ACBD5: variants seen among roughly 807,000 people sequenced by gnomAD.
ACBD5 encodes the protein acyl-CoA binding domain containing 5, also known as acyl-CoA-binding domain-containing protein 5.
In ACBD5, 40 loss-of-function variants were observed where a neutral mutation model predicts 71.8. The ratio of observed to expected loss-of-function variants is 0.56; its 90% CI spans 0.43 to 0.72. The LOEUF (loss-of-function observed/expected upper bound fraction) is 0.72, where lower values mean the gene tolerates loss of function less well. Ranked by LOEUF, ACBD5 falls within the 30% of genes least tolerant of loss-of-function variation. The probability of loss-of-function intolerance (pLI) is 0.00; values close to 1 mark genes in which losing one functional copy is unlikely to be tolerated. For synonymous variants in ACBD5, 229 were observed against 218.6 expected (o/e 1.05, Z -0.42); for missense variants, 559 against 644.5 (o/e 0.87, Z 1.44).
chr10:27,240,320 A>ATTC lies in ACBD5; in HGVS notation c.177_179dup (p.Lys59dup), dbSNP rs2065322095. 4 of 1,613,946 alleles carry ATTC rather than the reference A, an allele frequency of 2.5e-6. No individual in the cohort carries two copies. The highest frequency in any genetic ancestry group is 3.4e-6 in the Non-Finnish European group (4 of 1,179,978). ...ACAGCCGGGGCCCAGCGCACGTACC[A>ATTC]TTCTTCGGCAAACTCTGGATCACCT... On this transcript the variant is annotated inframe_insertion and splice_region_variant, in exon 2 of 13. Transcript: ENST00000396271. The surrounding 1 kb of genome is among the most constrained non-coding windows in gnomAD (Gnocchi z 4.1).
intron 4 of ACBD5, among the ~76,000 whole-genome samples, chr10:27,228,879 C>T (rs1458740478): frequency 1.5e-5 from 2 of 131,984 alleles, no homozygotes; most frequent in Admixed American, 8.6e-5. Flanking sequence ...AGTGCAGCGG[C>T]GCAATCTCGG....
chr10:27,234,712 AC>A (rs2064402214), intron 3 of ACBD5, among the ~76,000 whole-genome samples: 1 of 152,206 alleles, frequency 6.6e-6, no homozygotes. Context: ...TGGGCGGACC[AC>A]CTGAACCCAG....
At chr10:27,218,774 C>T (rs1020349543) in intron 6 of ACBD5, among the ~76,000 whole-genome samples, 2 of 151,816 alleles carry the variant, frequency 1.3e-5, no homozygotes, top group East Asian at 2.0e-4. Context: ...TTAGTAGAGA[C>T]GGGGTTTCAC....
chr10:27,223,306 G>C, intron 5 of ACBD5, 32 bp downstream of exon 5: 1 of 1,476,292 alleles, frequency 6.8e-7, no homozygotes. Flanking sequence ...TATATCAGTT[G>C]ATGAATTTAA....
At chr10:27,194,290 A>C (rs1313386996), downstream of ACBD5, among the ~76,000 whole-genome samples, 1 of 149,174 alleles carries the variant, frequency 6.7e-6, no homozygotes, top group Non-Finnish European at 1.5e-5. Context: ...ATCATTTTCC[A>C]CATAAGACCA....
intron 9 of ACBD5, among the ~76,000 whole-genome samples, chr10:27,210,610 T>C (rs1245725727): frequency 6.6e-6 from 1 of 151,994 alleles, no homozygotes; most frequent in African/African-American, 2.4e-5. Flanking sequence ...ATACAAAAAT[T>C]AGCCAGGCAT....
chr10:27,207,640 G>A (rs376567525), intron 10 of ACBD5, among the ~76,000 whole-genome samples: 7 of 152,222 alleles, frequency 4.6e-5, no homozygotes, highest in Non-Finnish European at 2.9e-5. Flanking sequence ...GCTGAGTCCC[G>A]GGATTATCAT....
rs35272279 is a variant in ACBD5 at position 27,224,202 on chromosome 10, C to CAAAAAA, written c.376-756_376-751dup. On this transcript the variant is annotated intron_variant, in intron 4 of 12. Coordinates refer to ENST00000396271, the MANE Select transcript of ACBD5 (RefSeq NM_145698.5). ...GCAACATAGTAAGGGCCCATTTCTA[C>CAAAAAA]AAAAAAAAAAAAAAAAATTGTCTAA... 7.5e-4 allele frequency among the ~76,000 whole-genome samples: 93 copies of CAAAAAA among 124,636 alleles called. 2 individuals are homozygous for CAAAAAA. The East Asian group carries it at 0.019, about 26-fold the overall frequency. The allele number at this position is 124,636 out of a possible 152,430, so 81.8% of individuals were successfully genotyped here.
At chr10:27,188,164 T>C (rs2058888178) in intron 13 of ACBD5, among the ~76,000 whole-genome samples, 1 of 151,640 alleles carries the variant, frequency 6.6e-6, no homozygotes, top group African/African-American at 2.4e-5. Context: ...TATAACTGAA[T>C]CCATGGGTTA....
intron 2 of ACBD5, among the ~76,000 whole-genome samples, chr10:27,237,621 C>CTTTTTTTTTTT (rs60724833): frequency 7.5e-6 from 1 of 133,666 alleles, no homozygotes; most frequent in Non-Finnish European, 1.6e-5. Flanking sequence ...GATAGGATAT[C>CTTTTTTTTTTT]TTTTTTTTTT....
intron 3 of ACBD5, among the ~76,000 whole-genome samples, chr10:27,233,719 C>CA (rs1190552132): frequency 6.7e-6 from 1 of 150,282 alleles, no homozygotes; most frequent in Admixed American, 6.6e-5. Context: ...ACCCTGTGTC[C>CA]AAAAAAAAGG....
Position 27,235,120 on chromosome 10 carries a change from A to G in ACBD5, c.274T>C (p.Phe92Leu). ...EGPCKLSRPG[F>L]WDPIGRYKWD... ...TTATATCTTCCAATAGGATCCCAAAATCCAGGCCTTGAAAGTTTACAGGGT... is the reference window on the plus strand; with the variant it reads ...TTATATCTTCCAATAGGATCCCAAAGTCCAGGCCTTGAAAGTTTACAGGGT... Residue 92 changes from phenylalanine (F) to leucine (L), a missense_variant, in exon 3 of 13, where the codon TTT (phenylalanine) becomes CTT (leucine). By Grantham distance (22) the Phe-to-Leu change is conservative (BLOSUM62 0). Transcript: ENST00000396271. The G allele has an allele frequency of 5.0e-6, 8 of 1,613,912 alleles. No individual in the cohort carries two copies. Among genetic ancestry groups the G allele is most frequent in the Non-Finnish European group, 6.8e-6 (8 of 1,179,894 alleles).
rs929566117 is a variant in ACBD5, at chr10:27,240,195, C to T, written c.181+124G>A. 5 of 1,457,326 alleles carry T rather than the reference C, an allele frequency of 3.4e-6. No individual in the cohort carries two copies. The African/African-American group carries it at 5.6e-5, about 16-fold the overall frequency. The allele number at this position is 1,457,326 out of a possible 1,614,324, so 90.3% of individuals were successfully genotyped here. A position where few individuals can be genotyped will look rare whatever the true frequency, so the allele number is the denominator to read the frequency against. Reference sequence around the variant, plus strand: ...TAATTAATTCATATTCAATAGCTCCCCTTCCACTACATGGCTCCTACACAG... The same window carrying T: ...TAATTAATTCATATTCAATAGCTCCTCTTCCACTACATGGCTCCTACACAG... On this transcript the variant is annotated intron_variant, in intron 2 of 12. Transcript: ENST00000396271. This position sits in a 1 kb window ranked among gnomAD's most constrained non-coding sequence, Gnocchi z 4.1.
Position 27,223,511 on chromosome 10 carries a change from A to G in ACBD5, c.376-59T>C, listed in dbSNP as rs12259499. 47,851 of 1,189,672 alleles carry G rather than the reference A, an allele frequency of 0.04. 1,868 individuals are homozygous for G. Among genetic ancestry groups the G allele is most frequent in the African/African-American group, 0.17 (11,300 of 66,784 alleles). The allele number at this position is 1,189,672 out of a possible 1,614,324, so 73.7% of individuals were successfully genotyped here. On this transcript the variant is annotated intron_variant, in intron 4 of 12. Coordinates refer to ENST00000396271, the MANE Select transcript of ACBD5 (RefSeq NM_145698.5). The stretch of plus-strand genomic sequence containing the variant: ...CAAACTCTTAATTTGATCTCCACTA[A>G]TATCAAATAATCTCCTATTTCCAAT...
chr10:27,228,285 TAG>T, intron 4 of ACBD5, among the ~76,000 whole-genome samples: 1 of 76,770 alleles, frequency 1.3e-5, no homozygotes, highest in East Asian at 4.1e-4. Context: ...AAAAAAAAAA[TAG>T]AATTTTGGCC....
Position 27,197,228 on chromosome 10 carries a change from G to C in ACBD5, c.*202C>G. 1 of 667,400 alleles carries C rather than the reference G, an allele frequency of 1.5e-6. No homozygotes were observed. Among genetic ancestry groups the C allele is most frequent in the Non-Finnish European group, 2.8e-6 (1 of 359,042 alleles). The allele number at this position is 667,400 out of a possible 1,614,324, so 41.3% of individuals were successfully genotyped here. A position where few individuals can be genotyped will look rare whatever the true frequency, so the allele number is the denominator to read the frequency against. On this transcript the variant is annotated 3_prime_UTR_variant, in exon 13 of 13. Coordinates refer to ENST00000396271, the MANE Select transcript of ACBD5 (RefSeq NM_145698.5). ...AACCTAGTAGAGATTGATTATTCAAGTATCAGCAATATTAGTCCTTAAAAT... is the reference window on the plus strand; with the variant it reads ...AACCTAGTAGAGATTGATTATTCAACTATCAGCAATATTAGTCCTTAAAAT...
chr10:27,190,484 T>C (rs2059033616), downstream of ACBD5, among the ~76,000 whole-genome samples: 1 of 152,200 alleles, frequency 6.6e-6, no homozygotes, highest in South Asian at 2.1e-4. Context: ...TCCTGGAATA[T>C]GTACTTTAAT....
chr10:27,186,715 AT>A (rs1190379347), intron 13 of ACBD5: 1 of 625,724 alleles, frequency 1.6e-6, no homozygotes, highest in African/African-American at 1.8e-5. Flanking sequence ...ATAGTCAGTA[AT>A]TTATCTTAAC....
Position 27,219,859 on chromosome 10 carries a change from T to G in ACBD5, c.491-2A>C. 1 of 1,613,600 alleles carries G rather than the reference T, an allele frequency of 6.2e-7. No individual in the cohort carries two copies. Among genetic ancestry groups the G allele is most frequent in the Non-Finnish European group, 8.5e-7 (1 of 1,179,764 alleles). On this transcript the variant is annotated splice_acceptor_variant, in intron 5 of 12. Coordinates refer to ENST00000396271, the MANE Select transcript of ACBD5 (RefSeq NM_145698.5). LOFTEE classifies it high-confidence loss of function. ...TAGAAGTGAGAACATTACCAAGATC[T>G]AAAACATGAAATGACCACTTACTCA...
Sources: gnomAD v4.1 joint callset for allele counts (sites outside exome capture counted in the v4.1 genomes callset) on GRCh38, gnomAD v4.1.1 for gene constraint, Gnocchi (gnomAD v3.1) non-coding constraint, MANE v1.5 for transcripts, NCBI Gene and HGNC (gene_info 2026-07-23, HGNC 2026-07-21) for gene names.